The following DNAAF11 variants were observed in gnomAD, a reference collection of about 807,000 sequenced individuals.
DNAAF11 encodes the protein dynein axonemal assembly factor 11.
A neutral mutation model predicts 60.8 loss-of-function variants in DNAAF11; 45 were observed. The observed-to-expected ratio is 0.74, with a 90% CI of 0.58 to 0.95. The LOEUF (loss-of-function observed/expected upper bound fraction) is 0.95, where lower values mean the gene tolerates loss of function less well. Ranked by LOEUF, DNAAF11 falls within the 40% of genes least tolerant of loss-of-function variation. The probability of loss-of-function intolerance (pLI) is 0.00; values close to 1 mark genes in which losing one functional copy is unlikely to be tolerated. For synonymous variants in DNAAF11, 191 were observed against 183.5 expected, an observed-to-expected ratio of 1.04 and a Z score of -0.33; for missense variants, 546 against 546.2, an observed-to-expected ratio of 1.00 and a Z score of 0.00.
intron 3 of DNAAF11, among the ~76,000 whole-genome samples, chr8:132,648,721 C>T (rs1327604244): frequency 6.6e-6 from 1 of 151,930 alleles, no homozygotes; most frequent in Admixed American, 6.6e-5. Context: ...CAATAACAGA[C>T]AAACAGAGAG....
At chr8:132,700,838 G>T in the DNAAF11 span, among the ~76,000 whole-genome samples, 2 of 152,286 alleles carry the variant, frequency 1.3e-5, no homozygotes, top group Admixed American at 1.3e-4. Flanking sequence ...AAAGAAAAGG[G>T]TGTTATAGGA....
intron 3 of DNAAF11, among the ~76,000 whole-genome samples, chr8:132,647,618 A>G (rs1822534410): frequency 1.3e-5 from 2 of 152,228 alleles, no homozygotes; most frequent in South Asian, 4.1e-4. Flanking sequence ...ACCACTAGCA[A>G]CACTAATACA....
At chr8:132,594,700 TTCACAGGCTCTC>T (rs899530967) in intron 10 of DNAAF11, among the ~76,000 whole-genome samples, 4 of 152,126 alleles carry the variant, frequency 2.6e-5, no homozygotes, top group African/African-American at 9.7e-5. Flanking sequence ...CTTCACTTCC[TTCACAGGCTCTC>T]TCACCTGCTG....
At chr8:132,698,025 C>G in the DNAAF11 span, among the ~76,000 whole-genome samples, 1 of 152,184 alleles carries the variant, frequency 6.6e-6, no homozygotes. Context: ...CAGGGAAGCA[C>G]AAGTGGAAAA....
intron 10 of DNAAF11, among the ~76,000 whole-genome samples, chr8:132,609,165 TTCCAGGACA>T (rs1818405338): frequency 6.6e-6 from 1 of 152,136 alleles, no homozygotes; most frequent in Non-Finnish European, 1.5e-5. Context: ...GGGGAACTGG[TTCCAGGACA>T]TCCCTTGAAC....
chr8:132,648,882 C>T (rs1450234920), intron 3 of DNAAF11, among the ~76,000 whole-genome samples: 2 of 152,204 alleles, frequency 1.3e-5, no homozygotes, highest in East Asian at 1.9e-4. Context: ...AATGGAAGAA[C>T]ATTCCATGCT....
chr8:132,619,341 T>C (rs565087903), intron 7 of DNAAF11, among the ~76,000 whole-genome samples: 62 of 152,192 alleles, frequency 4.1e-4, no homozygotes, highest in African/African-American at 1.4e-3. Context: ...GAGATATACC[T>C]AATGTTAGAT....
intron 11 of DNAAF11, among the ~76,000 whole-genome samples, chr8:132,579,585 G>A (rs1815105373): frequency 6.6e-6 from 1 of 152,168 alleles, no homozygotes; most frequent in South Asian, 2.1e-4. Flanking sequence ...ATCTCAAGAT[G>A]TTGTATTCCC....
At chr8:132,650,465 T>A (rs1399927086) in intron 3 of DNAAF11, among the ~76,000 whole-genome samples, 3 of 152,148 alleles carry the variant, frequency 2.0e-5, no homozygotes, top group Non-Finnish European at 4.4e-5. Flanking sequence ...CATGTATACA[T>A]ATGTAACAAA....
At chr8:132,621,343 G>C (rs528916603) in intron 7 of DNAAF11, among the ~76,000 whole-genome samples, 1 of 152,274 alleles carries the variant, frequency 6.6e-6, no homozygotes, top group South Asian at 2.1e-4. Flanking sequence ...GAGTTGAAGT[G>C]GATCAGCGCC....
chr8:132,683,123 TAGC>T, the DNAAF11 span, among the ~76,000 whole-genome samples: 1 of 152,208 alleles, frequency 6.6e-6, no homozygotes, highest in Non-Finnish European at 1.5e-5. Context: ...AGCTTTGATT[TAGC>T]AGCCTAAGTC....
chr8:132,600,510 C>G (rs1586540398), intron 10 of DNAAF11, among the ~76,000 whole-genome samples: 1 of 152,194 alleles, frequency 6.6e-6, no homozygotes, highest in African/African-American at 2.4e-5. Flanking sequence ...ATCACGCTAC[C>G]TGACTTCAAA....
chr8:132,608,218 A>AC (rs1210482097), intron 10 of DNAAF11, among the ~76,000 whole-genome samples: 1 of 152,166 alleles, frequency 6.6e-6, no homozygotes, highest in African/African-American at 2.4e-5. Flanking sequence ...TCTACCTTTT[A>AC]AAAAGAATAA....
chr8:132,675,804 A>G (rs1754466321), upstream of DNAAF11, among the ~76,000 whole-genome samples: 1 of 152,192 alleles, frequency 6.6e-6, no homozygotes, highest in South Asian at 2.1e-4. Context: ...AGAGTGAACA[A>G]AGTATGAGGA....
At chr8:132,675,676 A>T, upstream of DNAAF11, 1 of 521,712 alleles carries the variant, frequency 1.9e-6, no homozygotes, top group Non-Finnish European at 3.4e-6. Flanking sequence ...GAGCAAGCAG[A>T]GGAGACCGCA....
intron 3 of DNAAF11, among the ~76,000 whole-genome samples, chr8:132,645,333 C>T (rs1050117955): frequency 1.6e-4 from 25 of 152,230 alleles, no homozygotes; most frequent in African/African-American, 6.0e-4. Flanking sequence ...CCCATCTGTA[C>T]GTCACCATCA....
chr8:132,580,938 A>G (rs1251380354), intron 11 of DNAAF11, among the ~76,000 whole-genome samples: 1 of 152,188 alleles, frequency 6.6e-6, no homozygotes, highest in Admixed American at 6.5e-5. Context: ...CAGTTATAAA[A>G]CTCATAAGAC....
intron 3 of DNAAF11, among the ~76,000 whole-genome samples, chr8:132,648,275 T>C (rs1361383497): frequency 6.6e-6 from 1 of 152,132 alleles, no homozygotes; most frequent in Non-Finnish European, 1.5e-5. Flanking sequence ...ATTATCTCAA[T>C]AGATGCAGAA....
At chr8:132,676,388 G>T (rs541051943), upstream of DNAAF11, among the ~76,000 whole-genome samples, 4 of 152,204 alleles carry the variant, frequency 2.6e-5, no homozygotes, top group African/African-American at 9.6e-5. Flanking sequence ...TCTTTAAAAG[G>T]TACCATTATT....
Sources: allele counts gnomAD v4.1 joint callset (sites outside exome capture counted in the v4.1 genomes callset), GRCh38; gene constraint gnomAD v4.1.1; transcripts MANE v1.5; gene names NCBI Gene and HGNC (gene_info 2026-07-23, HGNC 2026-07-21).